GPR21: variants seen among roughly 807,000 people sequenced by gnomAD.
GPR21 encodes the protein probable G protein-coupled receptor 21.
In GPR21, 9 loss-of-function variants were observed where a neutral mutation model predicts 21.5. That is an observed-to-expected ratio of 0.42 (90% CI 0.25 to 0.73). The LOEUF (loss-of-function observed/expected upper bound fraction) is 0.73. Among genes scored for constraint, GPR21 ranks in the 30% least tolerant of loss-of-function variants. The pLI is 0.27. For synonymous variants in GPR21, 169 were observed against 159.3 expected, an observed-to-expected ratio of 1.06 and a Z score of -0.46; for missense variants, 416 against 428.9, an observed-to-expected ratio of 0.97 and a Z score of 0.27.
chr9:123,038,664 A>T (rs777508049), downstream of GPR21, among the ~76,000 whole-genome samples: 1 of 152,054 alleles, frequency 6.6e-6, no homozygotes, highest in Non-Finnish European at 1.5e-5. Context: ...GATTTTTTGA[A>T]GTCCTCATAA....
chr9:123,043,927 G>A, the GPR21 span, among the ~76,000 whole-genome samples: 1 of 144,522 alleles, frequency 6.9e-6, no homozygotes, highest in African/African-American at 2.6e-5. Flanking sequence ...TTGAGACGGA[G>A]TCTCACTCAG....
the GPR21 span, among the ~76,000 whole-genome samples, chr9:123,045,650 G>A: frequency 3.9e-5 from 6 of 152,182 alleles, no homozygotes; most frequent in African/African-American, 9.7e-5. Context: ...TATTATAGGA[G>A]TTGGTTTAAG....
chr9:123,042,913 T>G, the GPR21 span, among the ~76,000 whole-genome samples: 4 of 152,322 alleles, frequency 2.6e-5, no homozygotes, highest in African/African-American at 7.2e-5. Context: ...TAAAAGCTTC[T>G]TGAATGGGGT....
chr9:123,040,540 C>T (rs2032902861), downstream of GPR21, among the ~76,000 whole-genome samples: 1 of 152,112 alleles, frequency 6.6e-6, no homozygotes, highest in Non-Finnish European at 1.5e-5. Context: ...ACTTCTGTTA[C>T]TTGTCTTTTA....
At chr9:123,043,630 T>A in the GPR21 span, among the ~76,000 whole-genome samples, 7 of 150,794 alleles carry the variant, frequency 4.6e-5, no homozygotes, top group Non-Finnish European at 7.4e-5. Context: ...AAGGGAAGTG[T>A]TTGGGGGGTG....
the GPR21 span, among the ~76,000 whole-genome samples, chr9:123,045,067 C>T: frequency 2.0e-5 from 3 of 152,300 alleles, 1 homozygote; most frequent in Admixed American, 2.0e-4. Context: ...GATTTGTTGG[C>T]TTGTTACAAA....
At chr9:123,039,515 G>T (rs1339279871), downstream of GPR21, among the ~76,000 whole-genome samples, 1 of 152,124 alleles carries the variant, frequency 6.6e-6, no homozygotes, top group Non-Finnish European at 1.5e-5. Context: ...TTGAAAGGTA[G>T]TCCAGAGCCT....
At chr9:123,038,861 A>T (rs2032807682), downstream of GPR21, among the ~76,000 whole-genome samples, 1 of 152,126 alleles carries the variant, frequency 6.6e-6, no homozygotes, top group Non-Finnish European at 1.5e-5. Context: ...ACAAAAGGGC[A>T]TCATATAGTA....
chr9:123,041,678 T>G, the GPR21 span, among the ~76,000 whole-genome samples: 1 of 152,248 alleles, frequency 6.6e-6, no homozygotes, highest in East Asian at 1.9e-4. Context: ...ATATGGAAAT[T>G]CAGTGGACGA....
chr9:123,039,423 G>C (rs1173325013), downstream of GPR21, among the ~76,000 whole-genome samples: 1 of 152,154 alleles, frequency 6.6e-6, no homozygotes, highest in African/African-American at 2.4e-5. Flanking sequence ...AAGTTTTATA[G>C]AATGAATAAA....
At chr9:123,044,456 G>A in the GPR21 span, among the ~76,000 whole-genome samples, 86 of 152,140 alleles carry the variant, frequency 5.7e-4, no homozygotes, top group Non-Finnish European at 1.0e-3. Flanking sequence ...TGGAGTTTTG[G>A]GTCTTTAAGA....
At chr9:123,039,160 G>A (rs980446656), downstream of GPR21, among the ~76,000 whole-genome samples, 8 of 152,134 alleles carry the variant, frequency 5.3e-5, no homozygotes, top group African/African-American at 1.9e-4. Flanking sequence ...CCCACACTTT[G>A]ATCTTTGAAG....
chr9:123,046,048 C>T, the GPR21 span, among the ~76,000 whole-genome samples: 1 of 152,198 alleles, frequency 6.6e-6, no homozygotes, highest in Non-Finnish European at 1.5e-5. Context: ...GTGCTTCCTT[C>T]TCTCAGGGAT....
At chr9:123,038,393 G>T (rs1292311562), downstream of GPR21, among the ~76,000 whole-genome samples, 3 of 151,982 alleles carry the variant, frequency 2.0e-5, no homozygotes, top group Non-Finnish European at 2.9e-5. Flanking sequence ...TAAATGCATT[G>T]CCCACCTCCT....
the GPR21 span, among the ~76,000 whole-genome samples, chr9:123,043,900 C>CTT: frequency 2.4e-3 from 308 of 129,384 alleles, 3 homozygotes; most frequent in African/African-American, 6.3e-3. Context: ...GTATTATTTT[C>CTT]TTTTTTTTTT....
In GPR21 at chr9:123,034,076, G is replaced by A. The variant is rs185909235; in HGVS notation, c.-396-95G>A. On this transcript the variant is annotated intron_variant, in intron 1 of 1. Coordinates refer to ENST00000616002, the MANE Select transcript of GPR21 (RefSeq NM_005294.3). ...GTGAATAGTGGTGCCAGTAGGGGTG[G>A]AGCGGGAGGGATGATGCCAGCCTGA... is the stretch of plus-strand genomic sequence containing the variant. 31 of 164,446 alleles carry A rather than the reference G, an allele frequency of 1.9e-4. 1 individual carries two copies. The highest frequency in any genetic ancestry group is 7.3e-4 in the South Asian group (4 of 5,482). The allele number at this position is 164,446 out of a possible 1,614,324, so 10.2% of individuals were successfully genotyped here.
rs1489903732 is a variant in GPR21 at position 123,035,004 on chromosome 9, A to G, written c.438A>G (p.Leu146=). ...TYNTLVTPWR[L]RLCIFLIWLY... is the part of the protein sequence containing the mutation. The stretch of plus-strand genomic sequence containing the variant: ...ATACTCTGGTTACACCCTGGAGACT[A>G]CGCCTGTGTATTTTCCTGATTTGGC... Residue 146 remains leucine, a synonymous_variant, in exon 2 of 2, where the codon CTA becomes CTG. Transcript: ENST00000616002. The G allele has an allele frequency of 3.7e-6, 6 of 1,613,344 alleles. No individual in the cohort carries two copies. In the African/African-American group the frequency reaches 4.0e-5, roughly 11 times the overall value.
Position 123,035,139 on chromosome 9 carries a change from C to T in GPR21, c.573C>T (p.Phe191=), listed in dbSNP as rs202132540. 8.2e-4 allele frequency: 1,331 copies of T among 1,613,870 alleles called. 15 individuals carry two copies. In the South Asian group the frequency reaches 0.013, roughly 16 times the overall value. ...CAESWHTDSY[F]TLFIVMMLYA... ...AGTCCTGGCACACCGACTCCTACTT[C>T]ACCCTGTTCATCGTGATGATGTTAT... The change falls in exon 2 of 2, where the codon TTC becomes TTT. Residue 191 remains phenylalanine (F), a synonymous_variant. Transcript: ENST00000616002.
At chr9:123,035,714 G>C (rs2032617717), downstream of GPR21, 1 of 760,260 alleles carries the variant, frequency 1.3e-6, no homozygotes, top group Non-Finnish European at 2.1e-6. Context: ...TAATTCACTA[G>C]GAAATCTGGG....
Sources: allele counts gnomAD v4.1 joint callset (sites outside exome capture counted in the v4.1 genomes callset), GRCh38; gene constraint gnomAD v4.1.1; transcripts MANE v1.5; gene names NCBI Gene and HGNC (gene_info 2026-07-23, HGNC 2026-07-21).